GALNT10: variants seen among roughly 807,000 people sequenced by gnomAD.
The protein encoded by GALNT10 is polypeptide N-acetylgalactosaminyltransferase 10, also known as GalNAc transferase 10.
Under a neutral mutation model 75.0 loss-of-function variants are expected in GALNT10, and 41 were observed. The observed-to-expected ratio is 0.55, with a 90% confidence interval of 0.43 to 0.71. The LOEUF (loss-of-function observed/expected upper bound fraction) is 0.71, where lower values mean the gene tolerates loss of function less well. Ranked by LOEUF, GALNT10 falls within the 30% of genes least tolerant of loss-of-function variation. GALNT10 has a pLI of 0.00. For synonymous variants in GALNT10, 302 were observed against 313.0 expected, an observed-to-expected ratio of 0.96 and a Z score of 0.37; for missense variants, 727 against 818.5, an observed-to-expected ratio of 0.89 and a Z score of 1.36.
intron 4 of GALNT10, among the ~76,000 whole-genome samples, chr5:154,330,911 GT>G (rs2113119409): frequency 1.3e-5 from 1 of 77,420 alleles, no homozygotes; most frequent in African/African-American, 3.7e-5. Flanking sequence ...CAGAGAGGGT[GT>G]GTGTGTGTGT....
intron 3 of GALNT10, 105 bp from the exon 4 acceptor site, chr5:154,329,467 C>A: frequency 2.4e-6 from 2 of 849,910 alleles, no homozygotes; most frequent in South Asian, 1.5e-5. Flanking sequence ...TCCCTAAAGA[C>A]TGGAGAGGAA....
chr5:154,345,541 C>A (rs144862813), intron 4 of GALNT10, among the ~76,000 whole-genome samples: 2 of 150,040 alleles, frequency 1.3e-5, no homozygotes, highest in Admixed American at 1.3e-4. Context: ...TGAGATCATG[C>A]GGTATTTATC....
At chr5:154,404,904 A>G (rs1249506519) in intron 8 of GALNT10, among the ~76,000 whole-genome samples, 1 of 152,226 alleles carries the variant, frequency 6.6e-6, no homozygotes, top group Non-Finnish European at 1.5e-5. Flanking sequence ...CATTGCTTCA[A>G]TTAAATTGGC....
chr5:154,317,025 T>TTGGTTCTCCAAGTGGAATCCAGAAAA (rs1754602689), intron 3 of GALNT10, among the ~76,000 whole-genome samples: 2 of 152,224 alleles, frequency 1.3e-5, no homozygotes, highest in African/African-American at 4.8e-5. Context: ...ACTGTCTCAC[T>TTGGTTCTCCAAGTGGAATCCAGAAAA]TGGTTCTCAT....
At chr5:154,260,550 T>C (rs1054009909) in intron 1 of GALNT10, among the ~76,000 whole-genome samples, 1 of 152,192 alleles carries the variant, frequency 6.6e-6, no homozygotes, top group Non-Finnish European at 1.5e-5. Flanking sequence ...GCACCCCTTT[T>C]TAAATGAATG....
intron 1 of GALNT10, among the ~76,000 whole-genome samples, chr5:154,204,290 A>T (rs1010778632): frequency 2.0e-5 from 3 of 152,146 alleles, no homozygotes; most frequent in Non-Finnish European, 2.9e-5. Flanking sequence ...TCTGAAACAG[A>T]TTCCAAATCC....
At chr5:154,218,813 C>T (rs4958367) in intron 1 of GALNT10, among the ~76,000 whole-genome samples, 55,177 of 151,936 alleles carry the variant, frequency 0.36, 12,041 homozygotes, top group East Asian at 0.84. Flanking sequence ...CCTGTGGGAC[C>T]TGGAATAAGA....
intron 1 of GALNT10, among the ~76,000 whole-genome samples, chr5:154,272,284 A>AG (rs1374257682): frequency 6.6e-6 from 1 of 152,176 alleles, no homozygotes; most frequent in Non-Finnish European, 1.5e-5. Flanking sequence ...TAAGGTAAAT[A>AG]GGGGAGTGAT....
intron 1 of GALNT10, among the ~76,000 whole-genome samples, chr5:154,224,673 A>G (rs1753033436): frequency 6.6e-6 from 1 of 151,816 alleles, no homozygotes; most frequent in Non-Finnish European, 1.5e-5. Context: ...CAGTCATTTG[A>G]TATTTATGGA....
At chr5:154,251,294 A>G (rs769575924) in intron 1 of GALNT10, among the ~76,000 whole-genome samples, 3 of 152,090 alleles carry the variant, frequency 2.0e-5, no homozygotes, top group Non-Finnish European at 4.4e-5. Flanking sequence ...GTGTACCCAT[A>G]TTAGTTTAGC....
chr5:154,275,399 T>G (rs1356110774), intron 1 of GALNT10, among the ~76,000 whole-genome samples: 1 of 152,218 alleles, frequency 6.6e-6, no homozygotes, highest in East Asian at 1.9e-4. Context: ...AGTAGACTTA[T>G]CTTGTTGAAT....
At chr5:154,299,647 A>G (rs1333389836) in intron 3 of GALNT10, among the ~76,000 whole-genome samples, 1 of 152,174 alleles carries the variant, frequency 6.6e-6, no homozygotes, top group Non-Finnish European at 1.5e-5. Context: ...AGTTCCTACA[A>G]CAATACTTTG....
chr5:154,201,795 G>A (rs1395031877), intron 1 of GALNT10, among the ~76,000 whole-genome samples: 1 of 152,088 alleles, frequency 6.6e-6, no homozygotes, highest in East Asian at 1.9e-4. Context: ...CGGGTGTAGT[G>A]GCGCACTCCT....
intron 4 of GALNT10, among the ~76,000 whole-genome samples, chr5:154,345,436 C>T (rs1428375965): frequency 6.6e-6 from 1 of 152,052 alleles, no homozygotes; most frequent in Non-Finnish European, 1.5e-5. Context: ...TACCCTTTGA[C>T]CCACATCTCC....
At position 154,212,215 on chromosome 5, in the gene GALNT10, G is replaced by A. The variant is rs148233962; in HGVS notation, c.159+21190G>A. Reference sequence around the variant, plus strand: ...TTCTGAGGAAGCAGAAATCAGAATAGATGGTAGCAAAGGAGAGCTCTTGGA... The same window carrying A: ...TTCTGAGGAAGCAGAAATCAGAATAAATGGTAGCAAAGGAGAGCTCTTGGA... On this transcript the variant is annotated intron_variant, in intron 1 of 11. Coordinates refer to ENST00000297107, the MANE Select transcript of GALNT10 (RefSeq NM_198321.4). Among the ~76,000 whole-genome samples, 735 of 152,332 alleles carry A rather than the reference G, an allele frequency of 4.8e-3. 12 individuals carry two copies. Among genetic ancestry groups the A allele is most frequent in the African/African-American group, 0.017 (709 of 41,582 alleles).
At chr5:154,366,456 GAA>G (rs1755476370) in intron 4 of GALNT10, among the ~76,000 whole-genome samples, 1 of 152,078 alleles carries the variant, frequency 6.6e-6, no homozygotes, top group Non-Finnish European at 1.5e-5. Flanking sequence ...TTTTAAAAAA[GAA>G]AAAGAAAACC....
intron 2 of GALNT10, among the ~76,000 whole-genome samples, 178 bp from the exon 3 acceptor site, chr5:154,297,763 G>A (rs1371723951): frequency 6.6e-6 from 1 of 151,486 alleles, no homozygotes; most frequent in Non-Finnish European, 1.5e-5. Flanking sequence ...TGTGCAAAGT[G>A]TCTGAATAAA....
At chr5:154,405,643 A>C (rs79018915) in intron 8 of GALNT10, among the ~76,000 whole-genome samples, 295 of 152,248 alleles carry the variant, frequency 1.9e-3, no homozygotes, top group Non-Finnish European at 3.3e-3. Flanking sequence ...GCAACCCTAA[A>C]GCATTCTTTT....
chr5:154,328,087 A>G (rs1416096047), intron 3 of GALNT10, among the ~76,000 whole-genome samples: 2 of 151,630 alleles, frequency 1.3e-5, no homozygotes. Context: ...GAAGGGGAAA[A>G]AAAAAAAGGA....
Sources: allele counts gnomAD v4.1 joint callset (sites outside exome capture counted in the v4.1 genomes callset), GRCh38; gene constraint gnomAD v4.1.1; transcripts MANE v1.5; gene names NCBI Gene and HGNC (gene_info 2026-07-23, HGNC 2026-07-21).